Variants in HPSE2 observed in about 807,000 individuals in gnomAD.
The protein encoded by HPSE2 is inactive heparanase-2.
A neutral mutation model predicts 60.5 loss-of-function variants in HPSE2; 38 were observed. The observed-to-expected ratio is 0.63, with a 90% CI of 0.48 to 0.82. The LOEUF (loss-of-function observed/expected upper bound fraction) is 0.82. Among genes scored for constraint, HPSE2 ranks in the 40% least tolerant of loss-of-function variants. The probability of loss-of-function intolerance (pLI) is 0.00; values close to 1 mark genes in which losing one functional copy is unlikely to be tolerated. For synonymous variants in HPSE2, 295 were observed against 293.2 expected (o/e 1.01, Z -0.06); for missense variants, 713 against 740.4 (o/e 0.96, Z 0.43).
At chr10:99,226,489 G>A (rs79957651) in intron 2 of HPSE2, among the ~76,000 whole-genome samples, 3,035 of 152,086 alleles carry the variant, frequency 0.02, 104 homozygotes, top group East Asian at 0.15. Flanking sequence ...TTTACTGAGA[G>A]TTACAGATTT....
chr10:99,129,289 A>C (rs1845288953), intron 3 of HPSE2, among the ~76,000 whole-genome samples: 2 of 152,240 alleles, frequency 1.3e-5, no homozygotes, highest in African/African-American at 4.8e-5. Flanking sequence ...AAATGGACTT[A>C]GCAGATATTT....
At chr10:98,693,658 A>G (rs1446774128) in intron 6 of HPSE2, among the ~76,000 whole-genome samples, 1 of 152,214 alleles carries the variant, frequency 6.6e-6, no homozygotes, top group African/African-American at 2.4e-5. Context: ...AAGGGTACAT[A>G]ATAGCTGAAA....
intron 9 of HPSE2, among the ~76,000 whole-genome samples, chr10:98,517,209 G>A (rs957886807): frequency 1.1e-4 from 17 of 149,394 alleles, no homozygotes; most frequent in East Asian, 2.0e-4. Flanking sequence ...TGGGGGGGGC[G>A]AGGCGAGGGG....
chr10:99,095,871 T>C (rs1843701993), intron 3 of HPSE2, among the ~76,000 whole-genome samples: 1 of 152,260 alleles, frequency 6.6e-6, no homozygotes, highest in South Asian at 2.1e-4. Context: ...CATCCTGGTA[T>C]ACTTTTCACA....
chr10:99,013,957 G>A (rs924954436), intron 3 of HPSE2: 6 of 413,310 alleles, frequency 1.5e-5, no homozygotes, highest in South Asian at 3.7e-5. Flanking sequence ...TCCCATTCTC[G>A]GGCAGTGGAC....
intron 3 of HPSE2, among the ~76,000 whole-genome samples, chr10:98,825,530 T>C (rs1221623290): frequency 6.7e-6 from 1 of 148,182 alleles, no homozygotes; most frequent in African/African-American, 2.5e-5. Flanking sequence ...CAATTCCTTT[T>C]CCTCCTTTGC....
intron 3 of HPSE2, among the ~76,000 whole-genome samples, chr10:98,872,425 T>A (rs1952758754): frequency 6.6e-6 from 1 of 152,130 alleles, no homozygotes. Flanking sequence ...TTTTCTGTTA[T>A]CTTCATATTT....
chr10:98,869,792 T>C (rs1952684879), intron 3 of HPSE2, among the ~76,000 whole-genome samples: 1 of 152,170 alleles, frequency 6.6e-6, no homozygotes, highest in South Asian at 2.1e-4. Flanking sequence ...GGGCAAGTAA[T>C]TTCTCTTTTC....
At chr10:98,484,206 T>C (rs1238286125) in intron 10 of HPSE2, among the ~76,000 whole-genome samples, 1 of 152,052 alleles carries the variant, frequency 6.6e-6, no homozygotes. Context: ...CTTCCTTCTT[T>C]TTCTGTCCTT....
chr10:98,558,113 C>A (rs1944065385), intron 9 of HPSE2, among the ~76,000 whole-genome samples: 1 of 151,702 alleles, frequency 6.6e-6, no homozygotes, highest in Non-Finnish European at 1.5e-5. Flanking sequence ...CTGAGAATGG[C>A]TAAAATGAAA....
intron 9 of HPSE2, among the ~76,000 whole-genome samples, chr10:98,513,305 A>G (rs1050217521): frequency 6.6e-6 from 1 of 152,192 alleles, no homozygotes; most frequent in Admixed American, 6.5e-5. Context: ...CATCAAACCC[A>G]GATGTGAGTA....
rs192489849 is a variant in HPSE2, at chr10:98,626,678, G to T, written c.1099-5970C>A. 4.1e-3 allele frequency among the ~76,000 whole-genome samples: 622 copies of T among 152,234 alleles called. 1 individual carries two copies. Among genetic ancestry groups the T allele is most frequent in the African/African-American group, 0.014 (591 of 41,524 alleles). Reference sequence around the variant, plus strand: ...TTTTCCATCAATATTATAATAAAATGATGTTAAATGAAATGAAATTATTCA... The same window carrying T: ...TTTTCCATCAATATTATAATAAAATTATGTTAAATGAAATGAAATTATTCA... On this transcript the variant is annotated intron_variant, in intron 7 of 11. Coordinates refer to ENST00000370552, the MANE Select transcript of HPSE2 (RefSeq NM_021828.5).
At chr10:98,603,883 A>G (rs942736357) in intron 9 of HPSE2, among the ~76,000 whole-genome samples, 8 of 151,922 alleles carry the variant, frequency 5.3e-5, no homozygotes, top group African/African-American at 1.7e-4. Context: ...GGAAATACCA[A>G]CTCCAGCCCA....
rs989419599 is a variant in HPSE2, at chr10:99,014,914, T to C, written c.610+129324A>G. Among the ~76,000 whole-genome samples the C allele has an allele frequency of 7.2e-5, 11 of 152,194 alleles. No individual in the cohort carries two copies. The East Asian group carries it at 1.2e-3, about 16-fold the overall frequency. ...ACAGAATGGGAGAAAATTTTTGCAA[T>C]CTACTCATCTGACAAAGGGCTAATA... On this transcript the variant is annotated intron_variant, in intron 3 of 11. Coordinates refer to ENST00000370552, the MANE Select transcript of HPSE2 (RefSeq NM_021828.5).
chr10:99,171,665 G>A (rs1847315024), intron 2 of HPSE2, among the ~76,000 whole-genome samples: 1 of 152,168 alleles, frequency 6.6e-6, no homozygotes, highest in Non-Finnish European at 1.5e-5. Context: ...AATCAGAGAT[G>A]GCAATTTCTG....
rs779671429 is a variant in HPSE2 at position 98,580,824 on chromosome 10, T to TTATATATATATATATATATATATA, written c.1320+34079_1320+34080insTATATATATATATATATATATATA. ...CTGTTTAGTCAAGTTGTGCTTGGTTTTATATATATATATGTGTGTGTGTGT... is the reference window on the plus strand; with the variant it reads ...CTGTTTAGTCAAGTTGTGCTTGGTTTTATATATATATATATATATATATATATATATATATATGTGTGTGTGTGT... On this transcript the variant is annotated intron_variant, in intron 9 of 11. Coordinates refer to ENST00000370552, the MANE Select transcript of HPSE2 (RefSeq NM_021828.5). 2.1e-3 allele frequency among the ~76,000 whole-genome samples: 266 copies of TTATATATATATATATATATATATA among 128,408 alleles called. 1 individual carries two copies. Among genetic ancestry groups the TTATATATATATATATATATATATA allele is most frequent in the African/African-American group, 3.8e-3 (122 of 31,826 alleles). The allele number at this position is 128,408 out of a possible 152,430, so 84.2% of individuals were successfully genotyped here.
chr10:98,681,152 AC>A (rs1947777416), intron 6 of HPSE2, among the ~76,000 whole-genome samples: 1 of 152,094 alleles, frequency 6.6e-6, no homozygotes, highest in African/African-American at 2.4e-5. Flanking sequence ...TTTGAAAGAT[AC>A]TTTCTCAAAA....
chr10:98,712,225 A>T (rs1948691447), intron 5 of HPSE2, among the ~76,000 whole-genome samples: 1 of 152,074 alleles, frequency 6.6e-6, no homozygotes, highest in African/African-American at 2.4e-5. Context: ...AGAGACAGAG[A>T]GAAACATCCT....
intron 3 of HPSE2, among the ~76,000 whole-genome samples, chr10:98,768,344 G>C (rs1483711523): frequency 6.6e-6 from 1 of 152,142 alleles, no homozygotes; most frequent in Non-Finnish European, 1.5e-5. Flanking sequence ...GAGAAGGGCT[G>C]GGATAGGTGG....
Sources: gnomAD v4.1 joint callset for allele counts (sites outside exome capture counted in the v4.1 genomes callset) on GRCh38, gnomAD v4.1.1 for gene constraint, MANE v1.5 for transcripts, NCBI Gene and HGNC (gene_info 2026-07-23, HGNC 2026-07-21) for gene names.